CDH12: variants seen among roughly 807,000 people sequenced by gnomAD.
The protein encoded by CDH12 is cadherin 12, also known as cadherin-12.
A neutral mutation model predicts 74.1 loss-of-function variants in CDH12; 41 were observed. That is an observed-to-expected ratio of 0.55 (90% confidence interval 0.43 to 0.72). CDH12 has a LOEUF of 0.72. Among genes scored for constraint, CDH12 ranks in the 30% least tolerant of loss-of-function variants. The probability of loss-of-function intolerance (pLI) is 0.00; values close to 1 mark genes in which losing one functional copy is unlikely to be tolerated. For missense variants in CDH12, 945 were observed against 977.2 expected (o/e 0.97, Z 0.44); for synonymous variants, 399 against 355.0 (o/e 1.12, Z -1.39).
intron 3 of CDH12, among the ~76,000 whole-genome samples, chr5:22,289,898 A>G (rs1241270028): frequency 6.6e-6 from 1 of 152,130 alleles, no homozygotes; most frequent in East Asian, 1.9e-4. Flanking sequence ...ACAGAGTCCC[A>G]GGCTTCAGGT....
At position 21,816,996 on chromosome 5, in the gene CDH12, A is replaced by ACAGATTTCCCCCATCTCCTGG; in HGVS notation, c.950_951insCCAGGAGATGGGGGAAATCTG (p.Phe317_Asp318insGlnGluMetGlyGluIleCys). 1 of 1,612,790 alleles carries ACAGATTTCCCCCATCTCCTGG rather than the reference A, an allele frequency of 6.2e-7. No individual in the cohort carries two copies. The highest frequency in any genetic ancestry group is 8.5e-7 in the Non-Finnish European group (1 of 1,179,232). ...GTGTATCCTCATCTGTGACGATGTC[A>ACAGATTTCCCCCATCTCCTGG]AACAAATTTCCCCCATCTCCTGGAA... On this transcript the variant is annotated inframe_insertion, in exon 9 of 15. Coordinates refer to ENST00000382254, the MANE Select transcript of CDH12 (RefSeq NM_004061.5).
intron 6 of CDH12, chr5:21,883,489 T>C: frequency 6.2e-7 from 1 of 1,612,884 alleles, no homozygotes. Flanking sequence ...GTTGTGGCAG[T>C]CAAGGCTCCA....
rs560940424 is a variant in CDH12, at chr5:22,589,889, T to C, written c.-522-84525A>G. On this transcript the variant is annotated intron_variant, in intron 1 of 14. Coordinates refer to ENST00000382254, the MANE Select transcript of CDH12 (RefSeq NM_004061.5). ...TAATGACTAACAAATTTATATCTAA[T>C]GTAAGCCTCTCCTTTGGGTTCTAAC... Among the ~76,000 whole-genome samples, 4 of 152,322 alleles carry C rather than the reference T, an allele frequency of 2.6e-5. No individual in the cohort carries two copies. In the South Asian group the frequency reaches 8.3e-4, roughly 32 times the overall value.
At chr5:22,772,638 A>G (rs1016226619) in intron 1 of CDH12, among the ~76,000 whole-genome samples, 1 of 152,084 alleles carries the variant, frequency 6.6e-6, no homozygotes, top group Non-Finnish European at 1.5e-5. Flanking sequence ...TTCTGTTATA[A>G]GCTAAATTTA....
At chr5:21,879,978 T>A (rs948841634) in intron 6 of CDH12, among the ~76,000 whole-genome samples, 3 of 152,196 alleles carry the variant, frequency 2.0e-5, no homozygotes, top group African/African-American at 7.2e-5. Flanking sequence ...AAGTGAGTGG[T>A]CTTAAGAAAG....
chr5:21,839,064 G>A (rs1357136679), intron 8 of CDH12, among the ~76,000 whole-genome samples: 1 of 152,110 alleles, frequency 6.6e-6, no homozygotes, highest in African/African-American at 2.4e-5. Context: ...ATTTCACAAT[G>A]CCACTTTTTA....
chr5:21,860,559 G>A (rs781423973), intron 6 of CDH12, among the ~76,000 whole-genome samples: 1 of 152,008 alleles, frequency 6.6e-6, no homozygotes, highest in Admixed American at 6.6e-5. Flanking sequence ...AGTGGACTGG[G>A]AGAAGCTCAC....
chr5:21,931,299 C>G (rs1579979965), intron 6 of CDH12, among the ~76,000 whole-genome samples: 1 of 152,220 alleles, frequency 6.6e-6, no homozygotes, highest in Non-Finnish European at 1.5e-5. Context: ...CATTTCCTCA[C>G]ACTGGTTCCC....
At chr5:22,338,411 C>T (rs748782596) in intron 3 of CDH12, among the ~76,000 whole-genome samples, 2 of 151,846 alleles carry the variant, frequency 1.3e-5, no homozygotes, top group Non-Finnish European at 2.9e-5. Flanking sequence ...AGAAGGATGA[C>T]TACCAGAGGC....
chr5:22,020,807 A>C (rs35412553), intron 5 of CDH12, among the ~76,000 whole-genome samples: 3,355 of 152,266 alleles, frequency 0.022, 140 homozygotes, highest in African/African-American at 0.078. Flanking sequence ...CTCCAAATAC[A>C]GTCACATTAG....
intron 2 of CDH12, among the ~76,000 whole-genome samples, chr5:22,438,122 T>C (rs189053781): frequency 2.5e-3 from 386 of 152,140 alleles, no homozygotes; most frequent in African/African-American, 9.0e-3. Flanking sequence ...ACCTCCATTC[T>C]AAACTAAATT....
intron 1 of CDH12, among the ~76,000 whole-genome samples, chr5:22,848,993 T>C (rs994997630): frequency 2.6e-5 from 4 of 152,096 alleles, no homozygotes; most frequent in Non-Finnish European, 5.9e-5. Flanking sequence ...AAAAATGTTT[T>C]TTTTTTAGAC....
intron 1 of CDH12, among the ~76,000 whole-genome samples, chr5:22,725,490 T>C (rs77305706): frequency 5.5e-4 from 84 of 151,916 alleles, no homozygotes; most frequent in Non-Finnish European, 1.1e-3. Context: ...AATACACGTG[T>C]CTTAGCCTAT....
At chr5:22,228,538 A>G (rs1006023278) in intron 3 of CDH12, among the ~76,000 whole-genome samples, 1 of 152,236 alleles carries the variant, frequency 6.6e-6, no homozygotes, top group African/African-American at 2.4e-5. Context: ...ATGTAAATAG[A>G]TAAAGAACTC....
intron 4 of CDH12, among the ~76,000 whole-genome samples, chr5:22,094,903 A>C (rs1013541222): frequency 3.3e-5 from 5 of 152,118 alleles, no homozygotes; most frequent in Admixed American, 6.6e-5. Flanking sequence ...CTTTGACTGT[A>C]ATTTTCATTT....
chr5:22,227,970 T>A (rs1244970908), intron 3 of CDH12, among the ~76,000 whole-genome samples: 3 of 152,154 alleles, frequency 2.0e-5, no homozygotes, highest in Non-Finnish European at 4.4e-5. Context: ...CCATAGGCAG[T>A]GCAGATTTAG....
chr5:22,157,810 ATATG>A (rs1748116152), intron 4 of CDH12, among the ~76,000 whole-genome samples: 1 of 152,100 alleles, frequency 6.6e-6, no homozygotes, highest in Non-Finnish European at 1.5e-5. Context: ...TAAGTCTTTA[ATATG>A]CTAATTTAAA....
chr5:22,806,916 G>C (rs1748847362), intron 1 of CDH12, among the ~76,000 whole-genome samples: 1 of 152,104 alleles, frequency 6.6e-6, no homozygotes. Flanking sequence ...CTCCCATTCT[G>C]TAAGTTGCCT....
chr5:22,343,102 G>A (rs1739946596), intron 3 of CDH12, among the ~76,000 whole-genome samples: 1 of 151,838 alleles, frequency 6.6e-6, no homozygotes, highest in Non-Finnish European at 1.5e-5. Context: ...TGAGCTGCCC[G>A]CCTCAGCCTC....
Sources: gnomAD v4.1 joint callset for allele counts (sites outside exome capture counted in the v4.1 genomes callset) on GRCh38, gnomAD v4.1.1 for gene constraint, MANE v1.5 for transcripts, NCBI Gene and HGNC (gene_info 2026-07-23, HGNC 2026-07-21) for gene names.